Variants in CAST observed in about 807,000 individuals in gnomAD.
The protein encoded by CAST is calpastatin.
Under a neutral mutation model 119.6 loss-of-function variants are expected in CAST, and 76 were observed. The ratio of observed to expected loss-of-function variants is 0.64; its 90% CI spans 0.53 to 0.77. CAST has a LOEUF of 0.77. CAST is among the 30% of genes least tolerant of loss of function. CAST has a pLI of 0.00. For missense variants in CAST, 953 were observed against 946.5 expected (o/e 1.01, Z -0.09); for synonymous variants, 319 against 331.6 (o/e 0.96, Z 0.41).
the CAST span, among the ~76,000 whole-genome samples, chr5:96,468,024 T>C: frequency 6.6e-6 from 1 of 151,472 alleles, no homozygotes; most frequent in Non-Finnish European, 1.5e-5. Flanking sequence ...GAAAAGTTGG[T>C]ATATATATGC....
At chr5:96,620,152 T>C (rs970151421) in intron 1 of CAST, among the ~76,000 whole-genome samples, 1 of 152,226 alleles carries the variant, frequency 6.6e-6, no homozygotes, top group South Asian at 2.1e-4. Flanking sequence ...CTACTGAAAT[T>C]CCTGCAATTC....
chr5:95,990,926 CA>C, the CAST span, among the ~76,000 whole-genome samples: 2 of 151,970 alleles, frequency 1.3e-5, no homozygotes, highest in African/African-American at 4.8e-5. Context: ...GTATTATAAG[CA>C]ATGCTTTTGT....
chr5:96,060,614 A>G, the CAST span, among the ~76,000 whole-genome samples: 2 of 152,138 alleles, frequency 1.3e-5, no homozygotes, highest in Non-Finnish European at 2.9e-5. Context: ...GTGATATAAA[A>G]GGCACCCATC....
chr5:96,529,353 T>C (rs1007526592), upstream of CAST, among the ~76,000 whole-genome samples: 3 of 148,494 alleles, frequency 2.0e-5, no homozygotes, highest in African/African-American at 7.5e-5. Flanking sequence ...GCTGTGTTCA[T>C]AAGCATTATA....
the CAST span, among the ~76,000 whole-genome samples, chr5:96,438,251 A>G: frequency 6.6e-6 from 1 of 152,230 alleles, no homozygotes; most frequent in Non-Finnish European, 1.5e-5. Flanking sequence ...ACAGAAAATT[A>G]AGAAAAAACA....
chr5:96,635,516 G>T (rs1055679228), intron 1 of CAST, among the ~76,000 whole-genome samples: 5 of 152,152 alleles, frequency 3.3e-5, no homozygotes, highest in Admixed American at 6.5e-5. Flanking sequence ...ATCCAATACT[G>T]GTTTAAAGCT....
the CAST span, among the ~76,000 whole-genome samples, chr5:96,372,631 T>C: frequency 6.6e-6 from 1 of 152,152 alleles, no homozygotes; most frequent in Admixed American, 6.5e-5. Flanking sequence ...TATGGCTCTT[T>C]CCAGATTCAA....
intron 15 of CAST, 146 bp downstream of exon 15, chr5:96,741,726 T>C: frequency 1.6e-6 from 1 of 607,994 alleles, no homozygotes; most frequent in Middle Eastern, 4.5e-4. Flanking sequence ...CCAATGAGGG[T>C]TATGTTGATC....
chr5:96,192,143 TAAAGTC>T, the CAST span, among the ~76,000 whole-genome samples: 3 of 152,082 alleles, frequency 2.0e-5, no homozygotes, highest in Admixed American at 2.0e-4. Flanking sequence ...TCAGGAGAGT[TAAAGTC>T]AAGGATTAGC....
the CAST span, among the ~76,000 whole-genome samples, chr5:96,403,283 A>G: frequency 6.6e-6 from 1 of 152,084 alleles, no homozygotes; most frequent in Non-Finnish European, 1.5e-5. Flanking sequence ...TTATTATTAT[A>G]CTTTAAGTTC....
the CAST span, among the ~76,000 whole-genome samples, chr5:96,142,230 T>C: frequency 6.6e-6 from 1 of 152,030 alleles, no homozygotes; most frequent in Non-Finnish European, 1.5e-5. Context: ...GCCAACATGG[T>C]GAAACCCCGT....
At chr5:96,248,295 A>T in the CAST span, among the ~76,000 whole-genome samples, 3 of 152,150 alleles carry the variant, frequency 2.0e-5, no homozygotes, top group Non-Finnish European at 4.4e-5. Flanking sequence ...ATCTCTTTTA[A>T]TGACCCAACA....
At chr5:96,305,371 TC>T in the CAST span, among the ~76,000 whole-genome samples, 1 of 152,238 alleles carries the variant, frequency 6.6e-6, no homozygotes, top group African/African-American at 2.4e-5. Flanking sequence ...AATGGGGTTT[TC>T]TAAATATACA....
the CAST span, among the ~76,000 whole-genome samples, chr5:96,353,862 C>T: frequency 6.6e-6 from 1 of 152,202 alleles, no homozygotes; most frequent in East Asian, 1.9e-4. Context: ...ATAATAAATC[C>T]CCCCTTATCT....
chr5:96,603,156 C>T (rs923237289), intron 1 of CAST, among the ~76,000 whole-genome samples: 11 of 152,070 alleles, frequency 7.2e-5, no homozygotes, highest in African/African-American at 1.2e-4. Flanking sequence ...AAATGAAGAA[C>T]GGAGGATCTC....
At chr5:96,601,314 C>T (rs1315045567) in intron 1 of CAST, among the ~76,000 whole-genome samples, 2 of 152,182 alleles carry the variant, frequency 1.3e-5, no homozygotes, top group South Asian at 2.1e-4. Flanking sequence ...TTTCGTTTTT[C>T]GCCTAACAGA....
chr5:96,732,248 G>T (rs1241121870), intron 9 of CAST, among the ~76,000 whole-genome samples: 6 of 138,844 alleles, frequency 4.3e-5, no homozygotes, highest in African/African-American at 1.4e-4. Context: ...TTTCTCTGAT[G>T]GCCAGTGATG....
At chr5:96,400,960 G>A in the CAST span, among the ~76,000 whole-genome samples, 2 of 151,214 alleles carry the variant, frequency 1.3e-5, no homozygotes, top group Admixed American at 6.6e-5. Flanking sequence ...GGTGGCGGGC[G>A]CCTGTAGTCC....
chr5:96,120,433 C>T, the CAST span, among the ~76,000 whole-genome samples: 2 of 151,992 alleles, frequency 1.3e-5, no homozygotes, highest in East Asian at 3.9e-4. Context: ...GTTTGCAAGT[C>T]TGGTTTTCTA....
Sources: allele counts gnomAD v4.1 joint callset (sites outside exome capture counted in the v4.1 genomes callset), GRCh38; gene constraint gnomAD v4.1.1; transcripts MANE v1.5; gene names NCBI Gene and HGNC (gene_info 2026-07-23, HGNC 2026-07-21).